The following TNN variants were observed in gnomAD, a reference collection of about 807,000 sequenced individuals.
The protein encoded by TNN is tenascin-N.
A neutral mutation model predicts 134.4 loss-of-function variants in TNN; 122 were observed. The observed-to-expected ratio is 0.91, with a 90% CI of 0.78 to 1.06. TNN has a LOEUF of 1.06. Among genes scored for constraint, TNN ranks in the 50% least tolerant of loss-of-function variants. TNN has a pLI of 0.00. For synonymous variants in TNN, 710 were observed against 670.3 expected, an observed-to-expected ratio of 1.06 and a Z score of -0.91; for missense variants, 1,739 against 1,699.4, an observed-to-expected ratio of 1.02 and a Z score of -0.41.
chr1:175,098,043 G>C (rs533951613), intron 8 of TNN, among the ~76,000 whole-genome samples: 1 of 152,348 alleles, frequency 6.6e-6, no homozygotes, highest in South Asian at 2.1e-4. Context: ...TGTCATGGCA[G>C]CTGTTTAATT....
intron 5 of TNN, among the ~76,000 whole-genome samples, chr1:175,085,006 G>C (rs1674291533): frequency 6.6e-6 from 1 of 151,964 alleles, no homozygotes; most frequent in African/African-American, 2.4e-5. Flanking sequence ...AAAATAAATA[G>C]GAAAAAATTA....
chr1:175,135,783 T>C (rs1276952778), intron 15 of TNN, 62 bp from the exon 16 acceptor site: 1 of 1,367,078 alleles, frequency 7.3e-7, no homozygotes, highest in Non-Finnish European at 1.0e-6. Flanking sequence ...TGGTCTTCTC[T>C]TGTCTCCCAG....
intron 11 of TNN, among the ~76,000 whole-genome samples, chr1:175,120,001 G>A (rs1253590142): frequency 6.6e-6 from 1 of 152,104 alleles, no homozygotes; most frequent in Non-Finnish European, 1.5e-5. Flanking sequence ...CTCAGCTATA[G>A]GAAATAATGT....
rs544431251 is a variant in TNN, at chr1:175,094,911, G to T, written c.1588+658G>T. Among the ~76,000 whole-genome samples, 4 of 152,318 alleles carry T rather than the reference G, an allele frequency of 2.6e-5. No individual in the cohort carries two copies. In the South Asian group the frequency reaches 8.3e-4, roughly 32 times the overall value. On this transcript the variant is annotated intron_variant, in intron 7 of 18. Transcript: ENST00000239462. ...ACCTGGCAGGAAATCAGAGGGAAAGGCTTCGCTTATTGTTTGCATTCTATT... is the reference window on the plus strand; with the variant it reads ...ACCTGGCAGGAAATCAGAGGGAAAGTCTTCGCTTATTGTTTGCATTCTATT...
rs1675153572 is a variant in TNN, at chr1:175,115,864, A to T, written c.2120-1075A>T. Among the ~76,000 whole-genome samples the T allele has an allele frequency of 3.9e-5, 6 of 152,048 alleles. No individual in the cohort carries two copies. The South Asian group carries it at 1.2e-3, about 31-fold the overall frequency. On this transcript the variant is annotated intron_variant, in intron 9 of 18. Coordinates refer to ENST00000239462, the MANE Select transcript of TNN (RefSeq NM_022093.2). ...CAAGGTGCTGATAGGGGCTACTGGGATCTTCTTGCTTACGTTTTGCTGTAG... is the reference window on the plus strand; with the variant it reads ...CAAGGTGCTGATAGGGGCTACTGGGTTCTTCTTGCTTACGTTTTGCTGTAG...
At chr1:175,119,401 C>A (rs11578541) in intron 11 of TNN, among the ~76,000 whole-genome samples, 1 of 151,936 alleles carries the variant, frequency 6.6e-6, no homozygotes, top group Non-Finnish European at 1.5e-5. Context: ...GGGTCTTGGC[C>A]GGCTTCTTTA....
chr1:175,127,247 T>C (rs953248549), intron 13 of TNN, among the ~76,000 whole-genome samples, 162 bp downstream of exon 13: 1 of 152,250 alleles, frequency 6.6e-6, no homozygotes, highest in African/African-American at 2.4e-5. Flanking sequence ...TTATTGTTAG[T>C]CTTCCCCAAT....
intron 15 of TNN, among the ~76,000 whole-genome samples, chr1:175,133,583 T>C (rs1021122461): frequency 2.6e-5 from 4 of 152,244 alleles, no homozygotes; most frequent in African/African-American, 7.2e-5. Flanking sequence ...TTCTCTCTCC[T>C]TAATGGATTC....
chr1:175,111,934 C>A (rs1487191027), intron 9 of TNN, among the ~76,000 whole-genome samples: 1 of 152,054 alleles, frequency 6.6e-6, no homozygotes, highest in Non-Finnish European at 1.5e-5. Flanking sequence ...ATGTTATCTG[C>A]AAACAGGGAC....
intron 17 of TNN, 62 bp from the exon 18 acceptor site, chr1:175,144,325 C>T (rs1676009126): frequency 1.3e-6 from 2 of 1,534,004 alleles, no homozygotes; most frequent in Non-Finnish European, 1.8e-6. Context: ...GCTGGGTCCT[C>T]TTTTGATCAT....
At chr1:175,075,272 T>C (rs752141236) in intron 1 of TNN, among the ~76,000 whole-genome samples, 1 of 152,208 alleles carries the variant, frequency 6.6e-6, no homozygotes, top group Non-Finnish European at 1.5e-5. Context: ...ATAATCAATA[T>C]AGTTGAAAGA....
chr1:175,138,847 C>G (rs1007736626), intron 17 of TNN, among the ~76,000 whole-genome samples: 3 of 152,196 alleles, frequency 2.0e-5, no homozygotes, highest in African/African-American at 7.2e-5. Context: ...GCAGAGCCTG[C>G]TATAGACCAA....
In TNN at chr1:175,094,224, G is replaced by A. The variant is rs138714660; in HGVS notation, c.1559G>A (p.Ser520Asn). The change falls in exon 7 of 19, where the codon AGC becomes AAC. Residue 520 changes from serine to asparagine, a missense_variant. Transcript: ENST00000239462. Reference sequence around the variant, plus strand: ...TGGGCTGAAAGGGGCAACCAGGGGAGCAAGAAAGCTGACACCAATGCCCTC... The same window carrying A: ...TGGGCTGAAAGGGGCAACCAGGGGAACAAGAAAGCTGACACCAATGCCCTC... ...YVWAERGNQG[S>N]KKADTNALTE... The A allele has an allele frequency of 6.2e-6, 10 of 1,610,214 alleles. No individual in the cohort carries two copies. Among genetic ancestry groups the A allele is most frequent in the Non-Finnish European group, 8.5e-6 (10 of 1,177,472 alleles).
chr1:175,114,898 A>T (rs1675122571), intron 9 of TNN, among the ~76,000 whole-genome samples: 1 of 152,092 alleles, frequency 6.6e-6, no homozygotes, highest in Non-Finnish European at 1.5e-5. Context: ...GGGACTTGGC[A>T]GTATCCCAGT....
intron 9 of TNN, among the ~76,000 whole-genome samples, chr1:175,101,038 T>A (rs775929659): frequency 2.0e-5 from 3 of 152,254 alleles, no homozygotes; most frequent in Non-Finnish European, 4.4e-5. Flanking sequence ...CTAGCTATTT[T>A]GAAATGTACA....
chr1:175,100,792 T>G (rs1171975932), intron 9 of TNN, among the ~76,000 whole-genome samples: 1 of 152,196 alleles, frequency 6.6e-6, no homozygotes, highest in Non-Finnish European at 1.5e-5. Context: ...ATCAACAAAC[T>G]GGTGTTAATA....
chr1:175,136,197 A>G (rs1390849505), intron 16 of TNN, among the ~76,000 whole-genome samples: 1 of 152,142 alleles, frequency 6.6e-6, no homozygotes, highest in African/African-American at 2.4e-5. Flanking sequence ...TGCAGCCTGA[A>G]GATCTTAGAA....
chr1:175,136,338 C>T (rs145065391), intron 16 of TNN, among the ~76,000 whole-genome samples: 3 of 152,290 alleles, frequency 2.0e-5, no homozygotes, highest in African/African-American at 7.2e-5. Context: ...TTTCCCTCTG[C>T]TCTCCTCTGG....
chr1:175,070,415 C>T (rs987439449), intron 1 of TNN, among the ~76,000 whole-genome samples: 2 of 151,968 alleles, frequency 1.3e-5, no homozygotes, highest in East Asian at 1.9e-4. Flanking sequence ...AAGCCTCAGG[C>T]GGGTGGGCAG....
Sources: allele counts gnomAD v4.1 joint callset (sites outside exome capture counted in the v4.1 genomes callset), GRCh38; gene constraint gnomAD v4.1.1; transcripts MANE v1.5; gene names NCBI Gene and HGNC (gene_info 2026-07-23, HGNC 2026-07-21).